Variants in MIPEP observed in about 807,000 individuals in gnomAD.
MIPEP encodes the protein mitochondrial intermediate peptidase.
In MIPEP, 79 loss-of-function variants were observed where a neutral mutation model predicts 90.3. That is an observed-to-expected ratio of 0.87 (90% CI 0.73 to 1.05). MIPEP has a LOEUF of 1.05. MIPEP is among the 50% of genes least tolerant of loss of function. The pLI is 0.00. For missense variants in MIPEP, 940 were observed against 905.6 expected (o/e 1.04, Z -0.49); for synonymous variants, 334 against 315.8 (o/e 1.06, Z -0.61).
chr13:23,779,003 C>T (rs983617271), intron 16 of MIPEP, among the ~76,000 whole-genome samples: 5 of 152,302 alleles, frequency 3.3e-5, no homozygotes, highest in South Asian at 4.1e-4. Context: ...CCTGTTTCCA[C>T]ACATAACTTT....
chr13:23,827,488 A>G (rs1485606861), intron 14 of MIPEP, among the ~76,000 whole-genome samples: 1 of 152,202 alleles, frequency 6.6e-6, no homozygotes, highest in African/African-American at 2.4e-5. Flanking sequence ...ATGAATTCCG[A>G]CAGTTTTAAA....
intron 16 of MIPEP, among the ~76,000 whole-genome samples, chr13:23,771,558 C>CAT (rs1364413636): frequency 6.6e-6 from 1 of 151,822 alleles, no homozygotes; most frequent in Non-Finnish European, 1.5e-5. Context: ...CACACACACA[C>CAT]ACACACACAC....
At chr13:23,752,946 G>A (rs1035426661) in intron 18 of MIPEP, among the ~76,000 whole-genome samples, 1 of 152,138 alleles carries the variant, frequency 6.6e-6, no homozygotes, top group African/African-American at 2.4e-5. Context: ...AAGTGCTTTG[G>A]GCCAGGCAAG....
chr13:23,827,155 C>T (rs1036765455), intron 14 of MIPEP, among the ~76,000 whole-genome samples: 1 of 60,024 alleles, frequency 1.7e-5, no homozygotes, highest in Non-Finnish European at 3.3e-5. Context: ...GGAACCAATC[C>T]TGCTTAGACA....
At chr13:23,731,502 G>C (rs1163787158) in intron 18 of MIPEP, among the ~76,000 whole-genome samples, 3 of 152,088 alleles carry the variant, frequency 2.0e-5, no homozygotes, top group Admixed American at 6.6e-5. Flanking sequence ...ACTAATTTGA[G>C]ATGGTCACAG....
Position 23,805,994 on chromosome 13 carries a change from C to T in MIPEP, c.1804G>A (p.Glu602Lys), listed in dbSNP as rs114638163. ...AGGCCATAGAATTTCTCTTGTGTTTCCTTGAGAATGTCTGTGGTTGAATTC... is the reference window on the plus strand; with the variant it reads ...AGGCCATAGAATTTCTCTTGTGTTTTCTTGAGAATGTCTGTGGTTGAATTC... ...LRNSTTDILKETQEKFYGLPY... is the reference protein window; with the variant it reads ...LRNSTTDILKKTQEKFYGLPY... The change falls in exon 16 of 19, where the codon GAA (glutamate) becomes AAA (lysine). Residue 602 changes from glutamate (E) to lysine (K), a missense_variant. Coordinates refer to ENST00000382172, the MANE Select transcript of MIPEP (RefSeq NM_005932.4). 9.5e-4 allele frequency: 1,537 copies of T among 1,613,936 alleles called. 14 individuals carry two copies. The African/African-American group carries it at 0.018, about 19-fold the overall frequency.
chr13:23,836,475 ATT>A, intron 13 of MIPEP, 126 bp from the exon 14 acceptor site: 1 of 483,072 alleles, frequency 2.1e-6, no homozygotes, highest in Non-Finnish European at 3.5e-6. Context: ...TTAAATCAAT[ATT>A]TTTCTTCTAT....
intron 10 of MIPEP, among the ~76,000 whole-genome samples, chr13:23,843,097 CAAAAAAAA>C (rs397977292): frequency 1.9e-5 from 1 of 53,562 alleles, no homozygotes; most frequent in African/African-American, 6.1e-5. Flanking sequence ...CTCTCCATCT[CAAAAAAAA>C]AAAAAAAAAA....
Position 23,889,267 on chromosome 13 carries a change from C to G in MIPEP, c.54G>C (p.Pro18=). The G allele has an allele frequency of 7.2e-7, 1 of 1,382,550 alleles. No individual in the cohort carries two copies. The highest frequency in any genetic ancestry group is 9.4e-7 in the Non-Finnish European group (1 of 1,067,540). 85.6% of individuals were successfully genotyped at this position (1,382,550 alleles called of 1,614,324 possible). ...GGLGARAAAL[P]PRRAGRGSLE... ...GGCTTCCCCGGCCCGCCCGGCGGGG[C>G]GGCAGAGCTGCTGCTCTGGCTCCCA... The change falls in exon 1 of 19, where the codon CCG becomes CCC. Residue 18 remains proline (P), a synonymous_variant. Transcript: ENST00000382172.
intron 5 of MIPEP, among the ~76,000 whole-genome samples, chr13:23,871,105 C>T (rs1461087467): frequency 1.3e-5 from 2 of 152,204 alleles, no homozygotes; most frequent in African/African-American, 2.4e-5. Flanking sequence ...AAGAAGCAGA[C>T]TGGAACCCCA....
intron 9 of MIPEP, among the ~76,000 whole-genome samples, chr13:23,860,340 T>C (rs1377803495): frequency 6.6e-6 from 1 of 152,200 alleles, no homozygotes; most frequent in Non-Finnish European, 1.5e-5. Flanking sequence ...CTGCTCACCA[T>C]GCCATATTTA....
chr13:23,888,393 A>G (rs567066983), intron 1 of MIPEP, among the ~76,000 whole-genome samples: 35 of 152,304 alleles, frequency 2.3e-4, no homozygotes, highest in African/African-American at 8.2e-4. Context: ...GAAATTTTAA[A>G]AGGCAAAAAT....
intron 10 of MIPEP, among the ~76,000 whole-genome samples, chr13:23,851,298 A>G (rs1179882926): frequency 6.6e-6 from 1 of 152,248 alleles, no homozygotes; most frequent in African/African-American, 2.4e-5. Context: ...GTTATGACAG[A>G]TTTGGCATCC....
At chr13:23,806,818 A>T (rs1953115908) in intron 15 of MIPEP, among the ~76,000 whole-genome samples, 1 of 152,186 alleles carries the variant, frequency 6.6e-6, no homozygotes, top group South Asian at 2.1e-4. Context: ...TGGATCTAAC[A>T]AATGTTGTTT....
intron 14 of MIPEP, among the ~76,000 whole-genome samples, chr13:23,814,411 G>A (rs1320598535): frequency 2.0e-5 from 3 of 151,988 alleles, no homozygotes; most frequent in Non-Finnish European, 1.5e-5. Context: ...ACAGGCGCCC[G>A]CCACCACGCC....
At chr13:23,834,247 G>A (rs1329445618) in intron 14 of MIPEP, among the ~76,000 whole-genome samples, 1 of 152,268 alleles carries the variant, frequency 6.6e-6, no homozygotes, top group South Asian at 2.1e-4. Flanking sequence ...TGATTTTCTT[G>A]AAGTAAAAAT....
rs571079076 is a variant in MIPEP, at chr13:23,740,985, C to T, written c.2045-10540G>A. On this transcript the variant is annotated intron_variant, in intron 18 of 18. Coordinates refer to ENST00000382172, the MANE Select transcript of MIPEP (RefSeq NM_005932.4). The stretch of plus-strand genomic sequence containing the variant: ...GCCCAGGAGAGGGGAGGTCTGGGTG[C>T]TCTGTGTATGTGGCCAGGTGGATGG... 9.8e-5 allele frequency among the ~76,000 whole-genome samples: 15 copies of T among 152,292 alleles called. No individual in the cohort carries two copies. In the East Asian group the frequency reaches 2.9e-3, roughly 29 times the overall value.
intron 10 of MIPEP, among the ~76,000 whole-genome samples, chr13:23,857,413 T>A (rs1411469278): frequency 2.0e-5 from 3 of 151,976 alleles, no homozygotes; most frequent in Middle Eastern, 3.2e-3. Flanking sequence ...TACAAAAAAA[T>A]TTAAAAATCA....
chr13:23,736,955 C>T (rs17079269), intron 18 of MIPEP, among the ~76,000 whole-genome samples: 4,834 of 152,260 alleles, frequency 0.032, 253 homozygotes, highest in African/African-American at 0.11. Flanking sequence ...GCTCTTAAAG[C>T]GCTATGATAT....
Sources: gnomAD v4.1 joint callset for allele counts (sites outside exome capture counted in the v4.1 genomes callset) on GRCh38, gnomAD v4.1.1 for gene constraint, MANE v1.5 for transcripts, NCBI Gene and HGNC (gene_info 2026-07-23, HGNC 2026-07-21) for gene names.